STPG2: variants seen among roughly 807,000 people sequenced by gnomAD.
STPG2 encodes sperm tail PG-rich repeat containing 2, also known as sperm-tail PG-rich repeat-containing protein 2.
A neutral mutation model predicts 54.2 loss-of-function variants in STPG2; 56 were observed. The ratio of observed to expected loss-of-function variants is 1.03; its 90% CI spans 0.83 to 1.29. The LOEUF (loss-of-function observed/expected upper bound fraction) is 1.29, where lower values mean the gene tolerates loss of function less well. Ranked by LOEUF, STPG2 falls within the 50% of genes most tolerant of loss-of-function variation. The probability of loss-of-function intolerance (pLI) is 0.00; values close to 1 mark genes in which losing one functional copy is unlikely to be tolerated. For missense variants in STPG2, 596 were observed against 544.9 expected (o/e 1.09, Z -0.93); for synonymous variants, 200 against 181.8 (o/e 1.10, Z -0.81).
chr4:97,506,375 C>T (rs1006278678), intron 4 of STPG2, among the ~76,000 whole-genome samples: 1 of 151,676 alleles, frequency 6.6e-6, no homozygotes, highest in Non-Finnish European at 1.5e-5. Flanking sequence ...ATTGGAGGCG[C>T]CGACCTGAAC....
intron 9 of STPG2, among the ~76,000 whole-genome samples, chr4:97,813,677 TAAAAAAAAAAAAA>T (rs869298230): frequency 0.022 from 1,014 of 45,998 alleles, 32 homozygotes; most frequent in African/African-American, 0.075. Flanking sequence ...CCCTGTCTCT[TAAAAAAAAAAAAA>T]AAAAAAAAAA....
intron 8 of STPG2, among the ~76,000 whole-genome samples, chr4:97,886,859 C>A (rs1730590528): frequency 6.6e-6 from 1 of 152,148 alleles, no homozygotes; most frequent in African/African-American, 2.4e-5. Flanking sequence ...AGCGCCATCC[C>A]CTCAGTGCTG....
At chr4:97,476,093 A>G (rs76088961) in intron 4 of STPG2, among the ~76,000 whole-genome samples, 1 of 152,208 alleles carries the variant, frequency 6.6e-6, no homozygotes, top group African/African-American at 2.4e-5. Flanking sequence ...TGTTAAATCA[A>G]TGAATGTATG....
intron 4 of STPG2, among the ~76,000 whole-genome samples, chr4:97,456,303 AT>A (rs1366390859): frequency 2.0e-5 from 3 of 152,014 alleles, no homozygotes; most frequent in Non-Finnish European, 2.9e-5. Context: ...AAGCAAGCAC[AT>A]TTTCACATGG....
chr4:97,768,512 C>A (rs1191096542), intron 9 of STPG2, among the ~76,000 whole-genome samples: 1 of 152,070 alleles, frequency 6.6e-6, no homozygotes, highest in Non-Finnish European at 1.5e-5. Context: ...TAGGAGGAGT[C>A]ATGAATATTT....
intron 8 of STPG2, among the ~76,000 whole-genome samples, chr4:97,941,460 A>G (rs1160057412): frequency 2.0e-5 from 3 of 152,046 alleles, no homozygotes; most frequent in Admixed American, 2.0e-4. Context: ...GTTTATGTTC[A>G]TCCTCCATTT....
intron 8 of STPG2, among the ~76,000 whole-genome samples, chr4:97,871,855 G>A (rs1246528910): frequency 6.6e-6 from 1 of 150,872 alleles, no homozygotes; most frequent in African/African-American, 2.4e-5. Context: ...GAAAATTATA[G>A]ACCAATCACA....
intron 5 of STPG2, among the ~76,000 whole-genome samples, chr4:98,097,471 C>A (rs1030279633): frequency 6.6e-6 from 1 of 152,156 alleles, no homozygotes; most frequent in Non-Finnish European, 1.5e-5. Flanking sequence ...ATAGAAGGAA[C>A]ATACCTCAAC....
At chr4:98,080,608 C>A (rs546075377) in intron 5 of STPG2, among the ~76,000 whole-genome samples, 2 of 152,180 alleles carry the variant, frequency 1.3e-5, no homozygotes, top group East Asian at 3.9e-4. Context: ...AGGCTATCAA[C>A]AAGGGAGGCC....
chr4:97,603,229 T>C (rs35369981), intron 10 of STPG2, among the ~76,000 whole-genome samples: 73,398 of 151,360 alleles, frequency 0.48, 19,787 homozygotes, highest in South Asian at 0.65. Flanking sequence ...CAATATTACA[T>C]ATCAGGGAAA....
At chr4:97,464,560 G>T (rs1729744570) in intron 4 of STPG2, among the ~76,000 whole-genome samples, 1 of 152,058 alleles carries the variant, frequency 6.6e-6, no homozygotes, top group South Asian at 2.1e-4. Context: ...GGAATTACAG[G>T]TGCACACCAC....
At chr4:97,506,723 T>C (rs1301445250) in intron 4 of STPG2, among the ~76,000 whole-genome samples, 1 of 151,930 alleles carries the variant, frequency 6.6e-6, no homozygotes, top group Non-Finnish European at 1.5e-5. Context: ...TAGACTCCAG[T>C]AAGTTAAGAT....
At chr4:98,067,079 C>G (rs551452506) in intron 5 of STPG2, among the ~76,000 whole-genome samples, 3 of 152,136 alleles carry the variant, frequency 2.0e-5, no homozygotes, top group Non-Finnish European at 2.9e-5. Flanking sequence ...ACTAAAACAA[C>G]ACATTCAGAA....
At chr4:97,798,519 C>CTAGTT (rs1449452575) in intron 9 of STPG2, among the ~76,000 whole-genome samples, 3 of 151,904 alleles carry the variant, frequency 2.0e-5, no homozygotes, top group Non-Finnish European at 4.4e-5. Flanking sequence ...ATCCTGAGTT[C>CTAGTT]TAGTTTGATT....
intron 7 of STPG2, among the ~76,000 whole-genome samples, chr4:97,951,482 TTGAC>T (rs1249825142): frequency 1.3e-5 from 2 of 152,190 alleles, no homozygotes; most frequent in African/African-American, 4.8e-5. Flanking sequence ...TATGTTTTAT[TTGAC>T]TGTGTTTTTT....
chr4:97,805,736 T>C (rs1727539710), intron 9 of STPG2, among the ~76,000 whole-genome samples: 1 of 152,134 alleles, frequency 6.6e-6, no homozygotes, highest in Non-Finnish European at 1.5e-5. Context: ...TGTTAATTTT[T>C]TTTTTCACTT....
At chr4:97,788,878 T>G (rs979253151) in intron 9 of STPG2, among the ~76,000 whole-genome samples, 2 of 152,142 alleles carry the variant, frequency 1.3e-5, no homozygotes, top group African/African-American at 4.8e-5. Context: ...CCTTTGTATC[T>G]TTTTAGTGTG....
At chr4:97,801,739 T>G (rs928045475) in intron 9 of STPG2, among the ~76,000 whole-genome samples, 1 of 152,184 alleles carries the variant, frequency 6.6e-6, no homozygotes, top group Non-Finnish European at 1.5e-5. Context: ...CCTTTTTTTT[T>G]ACTTTCTTCA....
chr4:97,507,506 G>C (rs571051891), intron 4 of STPG2, among the ~76,000 whole-genome samples: 27 of 152,078 alleles, frequency 1.8e-4, no homozygotes, highest in African/African-American at 6.0e-4. Context: ...TACAATTCCA[G>C]CACTAACTAG....
Sources: allele counts gnomAD v4.1 joint callset (sites outside exome capture counted in the v4.1 genomes callset), GRCh38; gene constraint gnomAD v4.1.1; transcripts MANE v1.5; gene names NCBI Gene and HGNC (gene_info 2026-07-23, HGNC 2026-07-21).